FYB2: variants seen among roughly 807,000 people sequenced by gnomAD.
FYB2 encodes the protein FYN binding protein 2.
Under a neutral mutation model 94.1 loss-of-function variants are expected in FYB2, and 103 were observed. The observed-to-expected ratio is 1.09, with a 90% CI of 0.93 to 1.29. The LOEUF (loss-of-function observed/expected upper bound fraction) is 1.29, where lower values mean the gene tolerates loss of function less well. Among genes scored for constraint, FYB2 ranks in the 50% most tolerant of loss-of-function variants. The pLI, the probability that FYB2 is intolerant of heterozygous loss-of-function variation, is 0.00. For missense variants in FYB2, 896 were observed against 841.5 expected, an observed-to-expected ratio of 1.06 and a Z score of -0.80; for synonymous variants, 293 against 287.9, an observed-to-expected ratio of 1.02 and a Z score of -0.18.
intron 1 of FYB2, among the ~76,000 whole-genome samples, chr1:56,797,028 G>C (rs1316883571): frequency 6.6e-6 from 1 of 152,084 alleles, no homozygotes; most frequent in East Asian, 1.9e-4. Context: ...TTAAATATAT[G>C]GCACAAAGTC....
chr1:56,820,301 A>G (rs144484947), upstream of FYB2, among the ~76,000 whole-genome samples: 2 of 151,978 alleles, frequency 1.3e-5, no homozygotes, highest in African/African-American at 4.8e-5. Flanking sequence ...ATAGGTAGTA[A>G]CTAGAAGAGC....
At chr1:56,721,532 A>T (rs956161013) in intron 17 of FYB2, among the ~76,000 whole-genome samples, 1 of 152,006 alleles carries the variant, frequency 6.6e-6, no homozygotes, top group Non-Finnish European at 1.5e-5. Context: ...CTGTGAATTC[A>T]TAGTGATTTC....
chr1:56,775,563 A>G (rs1022433334), intron 4 of FYB2, among the ~76,000 whole-genome samples: 14 of 152,302 alleles, frequency 9.2e-5, no homozygotes, highest in Admixed American at 9.2e-4. Flanking sequence ...TATTCTTTCC[A>G]CAATCAGATG....
chr1:56,728,238 G>A (rs1266541137), intron 15 of FYB2, among the ~76,000 whole-genome samples: 1 of 151,892 alleles, frequency 6.6e-6, no homozygotes. Flanking sequence ...TTTGCTCCCA[G>A]TCTTCACCTG....
At chr1:56,820,472 G>T (rs1646978486), upstream of FYB2, among the ~76,000 whole-genome samples, 1 of 152,212 alleles carries the variant, frequency 6.6e-6, no homozygotes, top group Non-Finnish European at 1.5e-5. Context: ...GGGCAGAGTG[G>T]GTGGCCTGCG....
chr1:56,772,730 G>A (rs1284017966), intron 4 of FYB2, among the ~76,000 whole-genome samples: 2 of 152,038 alleles, frequency 1.3e-5, no homozygotes, highest in African/African-American at 2.4e-5. Context: ...AATACCTTAA[G>A]CCTCCATTTC....
At chr1:56,726,665 T>C in intron 15 of FYB2, 82 bp from the exon 16 acceptor site, 1 of 1,155,134 alleles carries the variant, frequency 8.7e-7, no homozygotes, top group Non-Finnish European at 1.2e-6. Context: ...TGGGCAATTA[T>C]GTTTTACAAA....
In FYB2 at chr1:56,792,059, G is replaced by A. The variant is rs1412909245; in HGVS notation, c.754C>T (p.Pro252Ser). ...CCATGGGGATCACGTTTGTTACCTGGGGCCTGACTGGCAAGCTCACACTCA... is the reference window on the plus strand; with the variant it reads ...CCATGGGGATCACGTTTGTTACCTGAGGCCTGACTGGCAAGCTCACACTCA... Reference protein sequence around the residue: ...IYECELASQAPEKQPDVRHHH... With the variant: ...IYECELASQASEKQPDVRHHH... Residue 252 changes from proline (P) to serine (S), a missense_variant, in exon 2 of 20, where the codon CCA becomes TCA. Physicochemically the swap from Pro to Ser is moderately conservative, Grantham distance 74. Coordinates refer to ENST00000343433, the MANE Select transcript of FYB2 (RefSeq NM_001004303.5). The A allele has an allele frequency of 1.3e-6, 2 of 1,574,850 alleles. No individual in the cohort carries two copies. The highest frequency in any genetic ancestry group is 1.9e-5 in the Admixed American group (1 of 52,738).
intron 1 of FYB2, among the ~76,000 whole-genome samples, chr1:56,793,381 C>A (rs1028886370): frequency 6.6e-6 from 1 of 152,068 alleles, no homozygotes; most frequent in African/African-American, 2.4e-5. Context: ...TCTTGCACTT[C>A]GCTGCCTACT....
chr1:56,808,990 T>TAC (rs572127377), intron 1 of FYB2, among the ~76,000 whole-genome samples: 30 of 152,294 alleles, frequency 2.0e-4, no homozygotes, highest in East Asian at 9.7e-4. Flanking sequence ...ATTATGTTGT[T>TAC]ACACACACAC....
chr1:56,748,723 A>T (rs1472663654), intron 9 of FYB2, among the ~76,000 whole-genome samples: 1 of 151,970 alleles, frequency 6.6e-6, no homozygotes, highest in Non-Finnish European at 1.5e-5. Context: ...AGCACTATGA[A>T]TGTTCAATAT....
At chr1:56,800,553 C>T (rs1211092956) in intron 1 of FYB2, among the ~76,000 whole-genome samples, 3 of 152,130 alleles carry the variant, frequency 2.0e-5, no homozygotes, top group African/African-American at 7.2e-5. Flanking sequence ...GTACTTTTCA[C>T]CTCCAGGTTG....
At chr1:56,750,394 A>G (rs1238632254) in intron 9 of FYB2, among the ~76,000 whole-genome samples, 1 of 151,984 alleles carries the variant, frequency 6.6e-6, no homozygotes, top group East Asian at 1.9e-4. Flanking sequence ...TGAAGTGTCA[A>G]CTGAAAGGGT....
chr1:56,814,708 C>T (rs891407054), intron 1 of FYB2, among the ~76,000 whole-genome samples: 2 of 152,190 alleles, frequency 1.3e-5, no homozygotes, highest in African/African-American at 4.8e-5. Flanking sequence ...TTAACCCAGG[C>T]CCAGTCTACT....
intron 4 of FYB2, among the ~76,000 whole-genome samples, chr1:56,776,524 C>T (rs936400811): frequency 6.6e-6 from 1 of 152,042 alleles, no homozygotes; most frequent in Non-Finnish European, 1.5e-5. Flanking sequence ...TCTGATAAAG[C>T]AGATTCCTAA....
chr1:56,789,353 C>T (rs560279641), intron 2 of FYB2, among the ~76,000 whole-genome samples: 56 of 152,282 alleles, frequency 3.7e-4, no homozygotes, highest in African/African-American at 1.3e-3. Flanking sequence ...GCCATTTCTA[C>T]ACCACACAGC....
intron 1 of FYB2, among the ~76,000 whole-genome samples, chr1:56,816,345 C>T (rs756365288): frequency 5.9e-5 from 9 of 152,148 alleles, no homozygotes; most frequent in Non-Finnish European, 7.3e-5. Context: ...AGCAGAATGT[C>T]TACATCACGT....
intron 17 of FYB2, 24 bp downstream of exon 17, chr1:56,723,564 T>G: frequency 7.1e-7 from 1 of 1,398,626 alleles, no homozygotes; most frequent in Non-Finnish European, 9.8e-7. Context: ...TATTGCTAAT[T>G]TTTACCTTCA....
chr1:56,748,073 C>T (rs1054410355), intron 9 of FYB2, among the ~76,000 whole-genome samples: 3 of 152,072 alleles, frequency 2.0e-5, no homozygotes, highest in African/African-American at 7.2e-5. Flanking sequence ...TGTTCATATC[C>T]TTTGCCCACT....
Sources: gnomAD v4.1 joint callset for allele counts (sites outside exome capture counted in the v4.1 genomes callset) on GRCh38, gnomAD v4.1.1 for gene constraint, MANE v1.5 for transcripts, NCBI Gene and HGNC (gene_info 2026-07-23, HGNC 2026-07-21) for gene names.